The following FUS variants were observed in gnomAD, a reference collection of about 807,000 sequenced individuals.
The protein encoded by FUS is FUS RNA binding protein.
A neutral mutation model predicts 82.7 loss-of-function variants in FUS; 5 were observed. The observed-to-expected ratio is 0.06, with a 90% CI of 0.03 to 0.13. The LOEUF (loss-of-function observed/expected upper bound fraction) is 0.13. Ranked by LOEUF, FUS falls within the 10% of genes least tolerant of loss-of-function variation. The pLI, the probability that FUS is intolerant of heterozygous loss-of-function variation, is 1.00. For missense variants in FUS, 512 were observed against 707.8 expected (o/e 0.72, Z 3.14); for synonymous variants, 281 against 247.4 (o/e 1.14, Z -1.27).
chr16:31,185,262 C>A, intron 6 of FUS, 83 bp downstream of exon 6: 1 of 1,447,612 alleles, frequency 6.9e-7, no homozygotes, highest in Non-Finnish European at 9.3e-7. Flanking sequence ...GTCCCTAGTG[C>A]ATGGTTTAGT....
At chr16:31,194,788 T>C (rs187529579), downstream of FUS, 1 of 480,982 alleles carries the variant, frequency 2.1e-6, no homozygotes, top group Admixed American at 2.3e-5. Flanking sequence ...TCAGCCCTTT[T>C]ATGCTGGAGG....
chr16:31,183,689 A>G (rs2079214954), intron 3 of FUS, 169 bp from the exon 4 acceptor site: 3 of 788,510 alleles, frequency 3.8e-6, no homozygotes, highest in Non-Finnish European at 4.3e-6. Context: ...GAAGCATTAA[A>G]TTTAGGCTTT....
chr16:31,190,275 G>T lies in FUS; in HGVS notation c.1169G>T (p.Gly390Val). The T allele has an allele frequency of 6.2e-7, 1 of 1,614,140 alleles. No homozygotes were observed. The highest frequency in any genetic ancestry group is 1.1e-5 in the South Asian group (1 of 91,072). Reference protein sequence around the residue: ...GNGRGGRGRGGPMGRGGYGGG... With the variant: ...GNGRGGRGRGVPMGRGGYGGG... ...CCCATACTTGGTCTATCTGCATTAG[G>T]ACCCATGGGCCGTGGAGGCTATGGA... The change falls in exon 12 of 15, where the codon GGA becomes GTA. Residue 390 changes from glycine to valine, a missense_variant and splice_region_variant. Coordinates refer to ENST00000254108, the MANE Select transcript of FUS (RefSeq NM_004960.4).
chr16:31,182,713 C>G (rs181005424), intron 3 of FUS, 49 bp downstream of exon 3: 1 of 1,611,410 alleles, frequency 6.2e-7, no homozygotes, highest in Non-Finnish European at 8.5e-7. Flanking sequence ...CTGAATATTG[C>G]TTTTCTTTTT....
In FUS at chr16:31,189,075, T is replaced by G. The variant is rs767499138; in HGVS notation, c.833-48T>G. On this transcript the variant is annotated intron_variant, in intron 8 of 14. Transcript: ENST00000254108. ...AGGTGCTTTAGGTTTTTTCCTGTGTTTTTTATTTTACCTTTTCACATTTGC... is the reference window on the plus strand; with the variant it reads ...AGGTGCTTTAGGTTTTTTCCTGTGTGTTTTATTTTACCTTTTCACATTTGC... 7 of 1,459,106 alleles carry G rather than the reference T, an allele frequency of 4.8e-6. No homozygotes were observed. In the East Asian group the frequency reaches 6.8e-5, roughly 14 times the overall value. 90.4% of individuals were successfully genotyped at this position (1,459,106 alleles called of 1,614,324 possible). A position where few individuals can be genotyped will look rare whatever the true frequency, so the allele number is the denominator to read the frequency against.
chr16:31,190,172 G>A, intron 11 of FUS, 31 bp downstream of exon 11: 2 of 1,613,908 alleles, frequency 1.2e-6, no homozygotes, highest in Non-Finnish European at 1.7e-6. Flanking sequence ...GGTGCAGAGG[G>A]GTAATGGGGA....
In FUS at chr16:31,184,644, C is replaced by G. The variant is rs190159352; in HGVS notation, c.523+248C>G. Among the ~76,000 whole-genome samples the G allele has an allele frequency of 0.023, 3,541 of 152,016 alleles. 68 individuals carry two copies. The highest frequency in any genetic ancestry group is 0.039 in the Non-Finnish European group (2,681 of 67,974). On this transcript the variant is annotated intron_variant, in intron 5 of 14. Coordinates refer to ENST00000254108, the MANE Select transcript of FUS (RefSeq NM_004960.4). ...ATTTTTAGTAGAGACGGGGTTTCAC[C>G]ATGTTAGCCAGGATGGTTTCGATCT...
chr16:31,192,112 T>C, downstream of FUS: 1 of 531,702 alleles, frequency 1.9e-6, no homozygotes, highest in South Asian at 1.5e-5. Flanking sequence ...ACTCCCTTCC[T>C]AGCTGCCCTG....
intron 3 of FUS, chr16:31,183,070 G>A (rs1267697233): frequency 3.4e-6 from 1 of 297,084 alleles, no homozygotes; most frequent in Non-Finnish European, 6.6e-6. Flanking sequence ...TTTCTTTTCC[G>A]TGAAACAGTG....
At chr16:31,183,670 G>A in intron 3 of FUS, 188 bp from the exon 4 acceptor site, 1 of 685,236 alleles carries the variant, frequency 1.5e-6, no homozygotes, top group Non-Finnish European at 2.6e-6. Context: ...TAAAGAGTTG[G>A]TAGAAGTTGA....
chr16:31,185,138 C>G lies in FUS; in HGVS notation c.723C>G (p.Pro241=). ...GYNRSSGGYE[P]RGRGGGRGGR... ...ACCGCAGCAGTGGTGGCTATGAACC[C>G]AGAGGTCGTGGAGGTGGCCGTGGAG... The change falls in exon 6 of 15, where the codon CCC becomes CCG. Residue 241 remains proline, a synonymous_variant. Transcript: ENST00000254108. 1 of 1,610,936 alleles carries G rather than the reference C, an allele frequency of 6.2e-7. No homozygotes were observed. Among genetic ancestry groups the G allele is most frequent in the Non-Finnish European group, 8.5e-7 (1 of 1,178,654 alleles).
In FUS at chr16:31,185,010, C is replaced by G. The variant is rs1259128842; in HGVS notation, c.595C>G (p.Gln199Glu). The change falls in exon 6 of 15, where the codon CAG becomes GAG. Residue 199 changes from glutamine (Q) to glutamate (E), a missense_variant. Physicochemically the swap from Gln to Glu is conservative, Grantham distance 29 (BLOSUM62 2). Transcript: ENST00000254108. ...GSGGGYGNQD[Q>E]SGGGGSGGYG... is the part of the protein sequence containing the mutation. Reference sequence around the variant, plus strand: ...TGGTGGCGGTTATGGCAATCAAGACCAGAGTGGTGGAGGTGGCAGCGGTGG... The same window carrying G: ...TGGTGGCGGTTATGGCAATCAAGACGAGAGTGGTGGAGGTGGCAGCGGTGG... 24 of 1,613,084 alleles carry G rather than the reference C, an allele frequency of 1.5e-5. No individual in the cohort carries two copies. The South Asian group carries it at 1.6e-4, about 11-fold the overall frequency.
At chr16:31,193,924 G>A (rs73530298), downstream of FUS, 7,353 of 530,438 alleles carry the variant, frequency 0.014, 290 homozygotes, top group African/African-American at 0.097. Flanking sequence ...TGGGATCACA[G>A]GTGTGACCCA....
intron 2 of FUS, 34 bp downstream of exon 2, chr16:31,182,456 G>T: frequency 4.3e-6 from 7 of 1,614,184 alleles, no homozygotes; most frequent in Non-Finnish European, 5.9e-6. Flanking sequence ...AGAGTTTGTA[G>T]AGGGCAAGGG....
chr16:31,182,839 C>G, intron 3 of FUS, 175 bp downstream of exon 3: 3 of 744,262 alleles, frequency 4.0e-6, no homozygotes, highest in Non-Finnish European at 6.8e-6. Flanking sequence ...GCCTCAGCCT[C>G]CTGAGTAGCT....
chr16:31,185,237 A>C, intron 6 of FUS, 58 bp downstream of exon 6: 2 of 1,527,906 alleles, frequency 1.3e-6, no homozygotes, highest in Non-Finnish European at 1.8e-6. Flanking sequence ...GATTGCATGA[A>C]TCTCCCTGAA....
At chr16:31,188,538 C>T in intron 8 of FUS, 181 bp downstream of exon 8, 2 of 715,802 alleles carry the variant, frequency 2.8e-6, no homozygotes, top group Non-Finnish European at 4.8e-6. Flanking sequence ...TCAGAAATAC[C>T]TGGCTTGTGG....
chr16:31,180,998 C>T (rs913015690), intron 1 of FUS, among the ~76,000 whole-genome samples: 1 of 152,106 alleles, frequency 6.6e-6, no homozygotes, highest in Non-Finnish European at 1.5e-5. Context: ...CTGCAACGTC[C>T]ACCTCCTGGG....
At chr16:31,193,902 C>T (rs1853913452), downstream of FUS, 1 of 529,374 alleles carries the variant, frequency 1.9e-6, no homozygotes, top group South Asian at 1.5e-5. Context: ...CTGCCTCAGC[C>T]TCCCAAAGTG....
Sources: gnomAD v4.1 joint callset for allele counts (sites outside exome capture counted in the v4.1 genomes callset) on GRCh38, gnomAD v4.1.1 for gene constraint, MANE v1.5 for transcripts, NCBI Gene and HGNC (gene_info 2026-07-23, HGNC 2026-07-21) for gene names.